Variants in PHYHIP observed in about 807,000 individuals in gnomAD.
The protein encoded by PHYHIP is phytanoyl-CoA hydroxylase-interacting protein.
Under a neutral mutation model 26.1 loss-of-function variants are expected in PHYHIP, and 7 were observed. The ratio of observed to expected loss-of-function variants is 0.27; its 90% CI spans 0.15 to 0.50. PHYHIP has a LOEUF of 0.50. Among genes scored for constraint, PHYHIP ranks in the 20% least tolerant of loss-of-function variants. The pLI is 0.98. For synonymous variants in PHYHIP, 206 were observed against 183.4 expected, an observed-to-expected ratio of 1.12 and a Z score of -1.00; for missense variants, 232 against 454.7, an observed-to-expected ratio of 0.51 and a Z score of 4.45.
At chr8:22,227,822 C>T (rs1829781606) in intron 2 of PHYHIP, 1 of 422,876 alleles carries the variant, frequency 2.4e-6, no homozygotes, top group African/African-American at 2.0e-5. Context: ...TTTGTCGAGA[C>T]TTGAGACGTC....
chr8:22,220,131 C>T lies in PHYHIP; in HGVS notation c.*1222G>A, dbSNP rs904629715. 1 of 152,564 alleles carries T rather than the reference C, an allele frequency of 6.6e-6. No homozygotes were observed. The highest frequency in any genetic ancestry group is 2.4e-5 in the African/African-American group (1 of 41,472). 9.5% of individuals were successfully genotyped at this position (152,564 alleles called of 1,614,324 possible). A position where few individuals can be genotyped will look rare whatever the true frequency, so the allele number is the denominator to read the frequency against. On this transcript the variant is annotated 3_prime_UTR_variant, in exon 5 of 5. Coordinates refer to ENST00000454243, the MANE Select transcript of PHYHIP (RefSeq NM_014759.5). ...CTCCTCTGCCTGATGTCACCTCCAT[C>T]ATCCCCCAAACAGCCGGCTGCTGCT...
At position 22,220,202 on chromosome 8, in the gene PHYHIP, G is replaced by A. The variant is rs1200424404; in HGVS notation, c.*1151C>T. ...CTCTGTTTGCTTTGTTGATTGTAGGGAGTCCACCCTCGTGACCTGTGTGAC... is the reference window on the plus strand; with the variant it reads ...CTCTGTTTGCTTTGTTGATTGTAGGAAGTCCACCCTCGTGACCTGTGTGAC... On this transcript the variant is annotated 3_prime_UTR_variant, in exon 5 of 5. Coordinates refer to ENST00000454243, the MANE Select transcript of PHYHIP (RefSeq NM_014759.5). The A allele has an allele frequency of 6.6e-6, 1 of 152,308 alleles. No homozygotes were observed. The highest frequency in any genetic ancestry group is 1.9e-4 in the East Asian group (1 of 5,192). 9.4% of individuals were successfully genotyped at this position (152,308 alleles called of 1,614,324 possible).
At chr8:22,223,168 G>C (rs922569913) in intron 4 of PHYHIP, among the ~76,000 whole-genome samples, 1 of 151,906 alleles carries the variant, frequency 6.6e-6, no homozygotes, top group Non-Finnish European at 1.5e-5. Flanking sequence ...TTTGAGACCA[G>C]CCTGGCCAAC....
intron 3 of PHYHIP, 151 bp from the exon 4 acceptor site, chr8:22,224,494 C>T (rs1279113390): frequency 1.6e-6 from 1 of 609,094 alleles, no homozygotes; most frequent in Admixed American, 2.7e-5. Flanking sequence ...ACCTTAAACT[C>T]AGATGGGAAC....
chr8:22,229,331 T>C (rs1033425965), intron 1 of PHYHIP, among the ~76,000 whole-genome samples: 1 of 152,172 alleles, frequency 6.6e-6, no homozygotes, highest in Non-Finnish European at 1.5e-5. Flanking sequence ...TGTGCATGCA[T>C]GGGTGCCCAT....
intron 1 of PHYHIP, among the ~76,000 whole-genome samples, chr8:22,230,230 A>C (rs1829839182): frequency 6.6e-6 from 1 of 151,308 alleles, no homozygotes; most frequent in Non-Finnish European, 1.5e-5. Flanking sequence ...CACACACACG[A>C]ACACAGACAC....
At chr8:22,224,418 C>CCCACA in intron 3 of PHYHIP, 75 bp from the exon 4 acceptor site, 2 of 841,320 alleles carry the variant, frequency 2.4e-6, no homozygotes, top group Non-Finnish European at 4.0e-6. Context: ...CCCACCCCAC[C>CCCACA]CCACACTGTG....
rs116613534 is a variant in PHYHIP at position 22,224,491 on chromosome 8, A to G, written c.341-148T>C. ...AGACTAGACAGTCGCAGAACCTTAA[A>G]CTCAGATGGGAACAGGCCAGCTGGC... is the stretch of plus-strand genomic sequence containing the variant. On this transcript the variant is annotated intron_variant, in intron 3 of 4. Transcript: ENST00000454243. The G allele has an allele frequency of 9.4e-4, 572 of 611,722 alleles. 1 individual carries two copies. In the African/African-American group the frequency reaches 9.6e-3, roughly 10 times the overall value. 37.9% of individuals were successfully genotyped at this position (611,722 alleles called of 1,614,324 possible). A position where few individuals can be genotyped will look rare whatever the true frequency, so the allele number is the denominator to read the frequency against.
chr8:22,230,279 C>A (rs140797780), intron 1 of PHYHIP, among the ~76,000 whole-genome samples: 2 of 152,012 alleles, frequency 1.3e-5, no homozygotes, highest in African/African-American at 4.8e-5. Context: ...CCCACCCACA[C>A]GCTCGGAGGC....
intron 3 of PHYHIP, 135 bp from the exon 4 acceptor site, chr8:22,224,478 C>T (rs1347750840): frequency 4.8e-6 from 3 of 630,190 alleles, no homozygotes; most frequent in East Asian, 2.7e-5. Flanking sequence ...ACTAGACAGT[C>T]GCAGAACCTT....
At chr8:22,224,043 G>C (rs1036730988) in intron 4 of PHYHIP, 183 bp downstream of exon 4, 38 of 589,170 alleles carry the variant, frequency 6.4e-5, no homozygotes, top group Non-Finnish European at 1.1e-4. Context: ...GATCTTCCCT[G>C]AGCCCAATCC....
chr8:22,221,984 G>T lies in PHYHIP; in HGVS notation c.459-97C>A, dbSNP rs553481155. On this transcript the variant is annotated intron_variant, in intron 4 of 4. Transcript: ENST00000454243. The surrounding 1 kb of genome is among the most constrained non-coding windows in gnomAD (Gnocchi z 7.9). Reference sequence around the variant, plus strand: ...CTGCGTGTGGTCGAGGAGGGAGGAAGCCAGCCCAGCTCCCAGCCCTCCCCC... The same window carrying T: ...CTGCGTGTGGTCGAGGAGGGAGGAATCCAGCCCAGCTCCCAGCCCTCCCCC... The T allele has an allele frequency of 1.9e-6, 2 of 1,056,732 alleles. No homozygotes were observed. The highest frequency in any genetic ancestry group is 3.4e-5 in the South Asian group (2 of 59,566). The allele number at this position is 1,056,732 out of a possible 1,614,324, so 65.5% of individuals were successfully genotyped here.
intron 3 of PHYHIP, among the ~76,000 whole-genome samples, chr8:22,225,195 A>G (rs1829718093): frequency 6.6e-6 from 1 of 152,168 alleles, no homozygotes; most frequent in Non-Finnish European, 1.5e-5. Flanking sequence ...CAGAGCTAAG[A>G]AAAAACACCA....
At chr8:22,229,167 T>C (rs1317952195) in intron 1 of PHYHIP, among the ~76,000 whole-genome samples, 1 of 152,142 alleles carries the variant, frequency 6.6e-6, no homozygotes, top group Non-Finnish European at 1.5e-5. Flanking sequence ...TTATCTCCAT[T>C]TTACAGATGA....
At chr8:22,230,852 C>G (rs1428659929) in intron 1 of PHYHIP, among the ~76,000 whole-genome samples, 1 of 152,166 alleles carries the variant, frequency 6.6e-6, no homozygotes, top group Non-Finnish European at 1.5e-5. Flanking sequence ...CACGCACACA[C>G]ACGTCCACGC....
chr8:22,224,145 C>T, intron 4 of PHYHIP, 81 bp downstream of exon 4: 1 of 853,574 alleles, frequency 1.2e-6, no homozygotes, highest in Non-Finnish European at 2.0e-6. Flanking sequence ...TGGGGGTGAC[C>T]TCAGACAGCC....
In PHYHIP at chr8:22,228,352, C is replaced by T. The variant is rs747516581; in HGVS notation, c.6G>A (p.Glu2=). ...CAATGCTGTGGGGCGTGGACAGCAG[C>T]TCCATGCTCCCGTCAGGGTTGTCTC... M[E]LLSTPHSIEI... Residue 2 remains glutamate (E), a synonymous_variant, in exon 2 of 5, where the codon GAG becomes GAA. Transcript: ENST00000454243. 5 of 1,590,778 alleles carry T rather than the reference C, an allele frequency of 3.1e-6. No homozygotes were observed. Among genetic ancestry groups the T allele is most frequent in the East Asian group, 4.5e-5 (2 of 44,182 alleles).
chr8:22,221,278 C>T lies in PHYHIP; in HGVS notation c.*75G>A. On this transcript the variant is annotated 3_prime_UTR_variant, in exon 5 of 5. Coordinates refer to ENST00000454243, the MANE Select transcript of PHYHIP (RefSeq NM_014759.5). This position sits in a 1 kb window ranked among gnomAD's most constrained non-coding sequence, Gnocchi z 7.9. ...AGCAGGGGGGCAGGAGAGAGAAAGC[C>T]AGCTCCCTGAACCTGGGCTACCCAC... 7.2e-7 allele frequency: 1 copy of T among 1,392,972 alleles called. No homozygotes were observed. Among genetic ancestry groups the T allele is most frequent in the South Asian group, 1.4e-5 (1 of 70,772 alleles). The allele number at this position is 1,392,972 out of a possible 1,614,324, so 86.3% of individuals were successfully genotyped here. A position where few individuals can be genotyped will look rare whatever the true frequency, so the allele number is the denominator to read the frequency against.
chr8:22,223,315 T>C (rs1471985441), intron 4 of PHYHIP, among the ~76,000 whole-genome samples: 1 of 141,564 alleles, frequency 7.1e-6, no homozygotes, highest in Non-Finnish European at 1.5e-5. Flanking sequence ...TGAGCAGAGA[T>C]CGCGCCCCTG....
Sources: allele counts gnomAD v4.1 joint callset (sites outside exome capture counted in the v4.1 genomes callset), GRCh38; gene constraint gnomAD v4.1.1; non-coding constraint Gnocchi (gnomAD v3.1); transcripts MANE v1.5; gene names NCBI Gene and HGNC (gene_info 2026-07-23, HGNC 2026-07-21).